The following SPOCK3 variants were observed in gnomAD, a reference collection of about 807,000 sequenced individuals.
The protein encoded by SPOCK3 is testican-3.
SPOCK3 carries 30 observed loss-of-function variants against 56.6 expected under a neutral mutation model. That is an observed-to-expected ratio of 0.53 (90% CI 0.40 to 0.72). The LOEUF is 0.72. SPOCK3 is among the 30% of genes least tolerant of loss of function. The pLI is 0.00. For missense variants in SPOCK3, 527 were observed against 530.0 expected (o/e 0.99, Z 0.06); for synonymous variants, 196 against 183.3 (o/e 1.07, Z -0.56).
intron 6 of SPOCK3, among the ~76,000 whole-genome samples, chr4:166,836,565 C>A (rs1163287816): frequency 6.6e-6 from 1 of 152,082 alleles, no homozygotes; most frequent in Non-Finnish European, 1.5e-5. Context: ...TGTGAATTTA[C>A]CTCAGTGAAG....
intron 2 of SPOCK3, among the ~76,000 whole-genome samples, chr4:167,099,526 T>C (rs1234387035): frequency 1.3e-5 from 2 of 152,168 alleles, no homozygotes; most frequent in East Asian, 3.9e-4. Flanking sequence ...AACAAGCATA[T>C]TTGACACACA....
intron 4 of SPOCK3, among the ~76,000 whole-genome samples, chr4:166,975,177 A>G (rs1369034863): frequency 6.6e-6 from 1 of 152,176 alleles, no homozygotes; most frequent in African/African-American, 2.4e-5. Context: ...TTAGAACTGT[A>G]AAAAATACAT....
intron 7 of SPOCK3, among the ~76,000 whole-genome samples, chr4:166,770,313 C>T (rs935373210): frequency 2.0e-5 from 3 of 152,080 alleles, no homozygotes; most frequent in Admixed American, 1.3e-4. Flanking sequence ...TGTTCCTATT[C>T]GACCATCTTG....
intron 4 of SPOCK3, among the ~76,000 whole-genome samples, chr4:166,950,221 A>C (rs1172950514): frequency 6.6e-6 from 1 of 151,926 alleles, no homozygotes; most frequent in Non-Finnish European, 1.5e-5. Context: ...CATAGGCTCA[A>C]AATAAAAGAA....
chr4:166,960,135 G>T (rs769820013), intron 4 of SPOCK3, among the ~76,000 whole-genome samples: 1 of 152,114 alleles, frequency 6.6e-6, no homozygotes, highest in African/African-American at 2.4e-5. Context: ...GATTTGAAAA[G>T]TAAAATCCCT....
intron 2 of SPOCK3, among the ~76,000 whole-genome samples, chr4:167,199,607 T>C (rs2110914643): frequency 6.6e-6 from 1 of 151,792 alleles, no homozygotes; most frequent in East Asian, 1.9e-4. Flanking sequence ...CTCTCACAGA[T>C]GTTTGCAAGA....
At chr4:166,965,245 T>C (rs979101423) in intron 4 of SPOCK3, among the ~76,000 whole-genome samples, 2 of 152,006 alleles carry the variant, frequency 1.3e-5, no homozygotes, top group African/African-American at 2.4e-5. Flanking sequence ...ATAGTGCATT[T>C]CCATTTGCCA....
chr4:166,900,094 C>T (rs925745997), intron 5 of SPOCK3, among the ~76,000 whole-genome samples: 7 of 152,160 alleles, frequency 4.6e-5, no homozygotes, highest in African/African-American at 1.7e-4. Flanking sequence ...GCACCTTGAG[C>T]TACAAACCTC....
chr4:166,872,403 C>T (rs943237258), intron 6 of SPOCK3, among the ~76,000 whole-genome samples: 1 of 152,052 alleles, frequency 6.6e-6, no homozygotes, highest in African/African-American at 2.4e-5. Flanking sequence ...TAAACACTAG[C>T]AATGACAAAC....
intron 4 of SPOCK3, among the ~76,000 whole-genome samples, chr4:166,961,369 C>T (rs1433560814): frequency 2.0e-5 from 3 of 151,874 alleles, no homozygotes; most frequent in African/African-American, 7.3e-5. Flanking sequence ...TGAGCACTCC[C>T]AAATTTGAGG....
chr4:166,752,589 C>T (rs1293904006), intron 8 of SPOCK3, among the ~76,000 whole-genome samples: 7 of 143,304 alleles, frequency 4.9e-5, no homozygotes, highest in African/African-American at 1.9e-4. Flanking sequence ...CACACACACA[C>T]ACACACACAC....
At chr4:167,020,280 A>AG (rs756048059) in intron 3 of SPOCK3, among the ~76,000 whole-genome samples, 27 of 152,232 alleles carry the variant, frequency 1.8e-4, no homozygotes, top group Non-Finnish European at 3.1e-4. Flanking sequence ...ATAACTTTTA[A>AG]GGCAGATGAA....
At position 166,987,299 on chromosome 4, in the gene SPOCK3, A is replaced by G. The variant is rs111481920; in HGVS notation, c.350+13050T>C. Among the ~76,000 whole-genome samples the G allele has an allele frequency of 4.9e-3, 739 of 152,190 alleles. 4 individuals carry two copies. Among genetic ancestry groups the G allele is most frequent in the African/African-American group, 0.017 (705 of 41,542 alleles). On this transcript the variant is annotated intron_variant, in intron 4 of 10. Transcript: ENST00000357545. ...GGCTCACTCTTGCCTGATATCTGAA[A>G]ATGACTCATTTCTTTTCACTCAAGT...
intron 6 of SPOCK3, among the ~76,000 whole-genome samples, chr4:166,834,031 T>TC (rs1161403577): frequency 6.6e-6 from 1 of 152,178 alleles, no homozygotes; most frequent in Non-Finnish European, 1.5e-5. Flanking sequence ...AAAAACGTTT[T>TC]CCTTCTACTC....
chr4:166,740,580 C>T (rs762180441), intron 9 of SPOCK3, among the ~76,000 whole-genome samples: 11 of 151,234 alleles, frequency 7.3e-5, no homozygotes, highest in Non-Finnish European at 1.0e-4. Flanking sequence ...GGCTGGTGTA[C>T]GGTGGTGCCA....
intron 6 of SPOCK3, among the ~76,000 whole-genome samples, chr4:166,868,889 T>A (rs981353671): frequency 6.6e-6 from 1 of 152,148 alleles, no homozygotes; most frequent in Non-Finnish European, 1.5e-5. Flanking sequence ...TATGCTATGA[T>A]GTACTAGCAT....
At chr4:166,877,597 C>A (rs753105191) in intron 6 of SPOCK3, among the ~76,000 whole-genome samples, 51 of 152,022 alleles carry the variant, frequency 3.4e-4, no homozygotes, top group Non-Finnish European at 6.6e-4. Context: ...GAACAGTAAG[C>A]AGGAGGTAAA....
At chr4:166,984,148 T>A (rs1746885350) in intron 4 of SPOCK3, among the ~76,000 whole-genome samples, 1 of 152,086 alleles carries the variant, frequency 6.6e-6, no homozygotes, top group South Asian at 2.1e-4. Flanking sequence ...AGAAGGGTAC[T>A]TCTTATAAAT....
At chr4:167,027,979 T>C (rs986798718) in intron 3 of SPOCK3, among the ~76,000 whole-genome samples, 1 of 152,118 alleles carries the variant, frequency 6.6e-6, no homozygotes, top group African/African-American at 2.4e-5. Flanking sequence ...TTATATTCAA[T>C]TGTGATCACC....
Sources: allele counts gnomAD v4.1 joint callset (sites outside exome capture counted in the v4.1 genomes callset), GRCh38; gene constraint gnomAD v4.1.1; transcripts MANE v1.5; gene names NCBI Gene and HGNC (gene_info 2026-07-23, HGNC 2026-07-21).